STARD3: variants seen among roughly 807,000 people sequenced by gnomAD.
STARD3 encodes stAR-related lipid transfer protein 3.
STARD3 carries 39 observed loss-of-function variants against 62.0 expected under a neutral mutation model. That is an observed-to-expected ratio of 0.63 (90% confidence interval 0.49 to 0.82). The LOEUF (loss-of-function observed/expected upper bound fraction) is 0.82, where lower values mean the gene tolerates loss of function less well. Among genes scored for constraint, STARD3 ranks in the 40% least tolerant of loss-of-function variants. The pLI, the probability that STARD3 is intolerant of heterozygous loss-of-function variation, is 0.00. For missense variants in STARD3, 543 were observed against 584.5 expected, an observed-to-expected ratio of 0.93 and a Z score of 0.73; for synonymous variants, 229 against 242.4, an observed-to-expected ratio of 0.94 and a Z score of 0.51.
rs1380914973 is a variant in STARD3, at chr17:39,658,455, C to T, written c.480C>T (p.Val160=). 1.2e-6 allele frequency: 2 copies of T among 1,614,148 alleles called. No individual in the cohort carries two copies. The highest frequency in any genetic ancestry group is 1.1e-5 in the South Asian group (1 of 91,084). Residue 160 remains valine (V), a synonymous_variant, in exon 6 of 15, where the codon GTC becomes GTT. Coordinates refer to ENST00000336308, the MANE Select transcript of STARD3 (RefSeq NM_006804.4). ...ACCTGCTCCCCATCGTCTCTTTTGT[C>T]CTCGCCTGGTTGGAGACCTGGTTCC... ...FGYLLPIVSF[V]LAWLETWFLD...
rs111467789 is a variant in STARD3, at chr17:39,657,970, C to T, written c.376-3C>T. On this transcript the variant is annotated splice_polypyrimidine_tract_variant and splice_region_variant and intron_variant, in intron 4 of 14. Coordinates refer to ENST00000336308, the MANE Select transcript of STARD3 (RefSeq NM_006804.4). ...CCCCTTCCTCCCTCCCTCCCCTGGGCAGGTCACGACGCTGGTGTCCAGTGC... is the reference window on the plus strand; with the variant it reads ...CCCCTTCCTCCCTCCCTCCCCTGGGTAGGTCACGACGCTGGTGTCCAGTGC... 8 of 1,589,652 alleles carry T rather than the reference C, an allele frequency of 5.0e-6. No homozygotes were observed. The African/African-American group carries it at 6.7e-5, about 13-fold the overall frequency.
At chr17:39,650,964 A>G (rs2057072624) in intron 1 of STARD3, among the ~76,000 whole-genome samples, 1 of 152,332 alleles carries the variant, frequency 6.6e-6, no homozygotes, top group Non-Finnish European at 1.5e-5. Flanking sequence ...CCTGCCCTGG[A>G]GCTGCGGCCT....
chr17:39,654,647 G>A (rs2057110296), intron 2 of STARD3, among the ~76,000 whole-genome samples: 1 of 152,156 alleles, frequency 6.6e-6, no homozygotes, highest in Non-Finnish European at 1.5e-5. Context: ...CCCAGGCTCA[G>A]TTCTGTCCCA....
rs760759290 is a variant in STARD3 at position 39,662,347 on chromosome 17, G to C, written c.1233+3G>C. 31 of 1,613,096 alleles carry C rather than the reference G, an allele frequency of 1.9e-5. No individual in the cohort carries two copies. Among genetic ancestry groups the C allele is most frequent in the African/African-American group, 4.0e-5 (3 of 74,916 alleles). ...GGATTCTTAATACAGATCTCAAGGTGGGGTGCTGGGGGGCTGCCAGGTGGG... is the reference window on the plus strand; with the variant it reads ...GGATTCTTAATACAGATCTCAAGGTCGGGTGCTGGGGGGCTGCCAGGTGGG... On this transcript the variant is annotated splice_donor_region_variant and intron_variant, in intron 14 of 14. Coordinates refer to ENST00000336308, the MANE Select transcript of STARD3 (RefSeq NM_006804.4).
At chr17:39,661,723 A>G (rs1423709921) in intron 13 of STARD3, among the ~76,000 whole-genome samples, 1 of 152,188 alleles carries the variant, frequency 6.6e-6, no homozygotes, top group Non-Finnish European at 1.5e-5. Flanking sequence ...GGCACTGGAC[A>G]GACTTGCTGG....
At chr17:39,649,942 G>C (rs776659220) in intron 1 of STARD3, among the ~76,000 whole-genome samples, 12 of 150,280 alleles carry the variant, frequency 8.0e-5, no homozygotes, top group Non-Finnish European at 1.8e-4. Flanking sequence ...GGATAAAGCA[G>C]ACACTAAAGC....
At chr17:39,661,682 T>C (rs1004659335) in intron 13 of STARD3, among the ~76,000 whole-genome samples, 2 of 152,132 alleles carry the variant, frequency 1.3e-5, no homozygotes, top group Non-Finnish European at 2.9e-5. Flanking sequence ...AGGAGCACTG[T>C]TCTTTGAATA....
intron 1 of STARD3, among the ~76,000 whole-genome samples, chr17:39,640,819 G>C (rs1449845574): frequency 6.6e-6 from 1 of 152,186 alleles, no homozygotes. Flanking sequence ...CTCCCCGGCT[G>C]GGGGGAGAAG....
intron 8 of STARD3, 45 bp from the exon 9 acceptor site, chr17:39,659,416 T>G: frequency 6.3e-7 from 1 of 1,575,876 alleles, no homozygotes; most frequent in Non-Finnish European, 8.7e-7. Context: ...CATGGTGGAC[T>G]GCAGGCCCCA....
chr17:39,639,481 T>C (rs1435793604), intron 1 of STARD3, among the ~76,000 whole-genome samples: 1 of 152,102 alleles, frequency 6.6e-6, no homozygotes. Context: ...TATAAAGCGA[T>C]GGGAGGATTT....
At chr17:39,657,214 C>A in intron 3 of STARD3, 129 bp downstream of exon 3, 1 of 891,722 alleles carries the variant, frequency 1.1e-6, no homozygotes, top group Non-Finnish European at 1.7e-6. Context: ...CCTTCGGGAG[C>A]CATCAGTCAT....
At chr17:39,661,274 G>T (rs1301892844) in intron 13 of STARD3, 189 bp downstream of exon 13, 1 of 615,908 alleles carries the variant, frequency 1.6e-6, no homozygotes, top group South Asian at 1.9e-5. Context: ...GTGGAGATGG[G>T]GGGTGGTGGA....
In STARD3 at chr17:39,660,819, C is replaced by T; in HGVS notation, c.964C>T (p.Arg322Ter). 1.3e-6 allele frequency: 2 copies of T among 1,584,854 alleles called. No homozygotes were observed. The highest frequency in any genetic ancestry group is 1.2e-5 in the South Asian group (1 of 86,192). The change falls in exon 12 of 15, where the codon CGA becomes TGA. Residue 322 changes from arginine to a stop codon, truncating the protein, a stop_gained. Coordinates refer to ENST00000336308, the MANE Select transcript of STARD3 (RefSeq NM_006804.4). LOFTEE classifies it high-confidence loss of function. The surrounding 1 kb of genome is among the most constrained non-coding windows in gnomAD (Gnocchi z 4.8). ...CGTTGACGGCCCTCAGATCCTGCAG[C>T]GAGTGGAAGACAACACCCTCATCTC... ...KTVTACQILQ[R>*]VEDNTLISYD...
chr17:39,658,800 C>T lies in STARD3; in HGVS notation c.626C>T (p.Ser209Leu). ...GCTCTGTCCGAGGGACAGTTCTATT[C>T]ACCCCCAGAATCCTTTGCAGGTGAG... ...SGALSEGQFY[S>L]PPESFAGSDN... The change falls in exon 7 of 15, where the codon TCA becomes TTA. Residue 209 changes from serine (S) to leucine (L), a missense_variant. Coordinates refer to ENST00000336308, the MANE Select transcript of STARD3 (RefSeq NM_006804.4). The T allele has an allele frequency of 6.2e-7, 1 of 1,613,998 alleles. No homozygotes were observed. The highest frequency in any genetic ancestry group is 8.5e-7 in the Non-Finnish European group (1 of 1,179,992).
intron 1 of STARD3, among the ~76,000 whole-genome samples, chr17:39,643,777 C>T (rs1385103801): frequency 1.3e-5 from 2 of 152,246 alleles, no homozygotes; most frequent in Non-Finnish European, 2.9e-5. Context: ...CTCTCTTTCT[C>T]TGGAGAAGAG....
Position 39,661,083 on chromosome 17 carries a change from C to G in STARD3, c.1137C>G (p.Val379=), listed in dbSNP as rs1415426199. The G allele has an allele frequency of 6.2e-7, 1 of 1,613,422 alleles. No homozygotes were observed. Among genetic ancestry groups the G allele is most frequent in the Non-Finnish European group, 8.5e-7 (1 of 1,179,986 alleles). The change falls in exon 13 of 15, where the codon GTC becomes GTG. Residue 379 remains valine, a splice_region_variant and synonymous_variant. Transcript: ENST00000336308. The part of the protein sequence containing the change: ...HSAKPPTHKY[V]RGENGPGGFI... ...CCAAGCCCCCGACGCACAAATATGT[C>G]CGGTGAGCCTCACTTTGCCTGGGGT... is the stretch of plus-strand genomic sequence containing the variant.
chr17:39,641,708 A>G (rs1006992761), intron 1 of STARD3, among the ~76,000 whole-genome samples: 1 of 152,180 alleles, frequency 6.6e-6, no homozygotes, highest in Non-Finnish European at 1.5e-5. Context: ...TCCCCATTTT[A>G]CAGAAAAGGA....
chr17:39,639,728 T>C (rs1018957750), intron 1 of STARD3, among the ~76,000 whole-genome samples: 4 of 152,242 alleles, frequency 2.6e-5, no homozygotes, highest in African/African-American at 9.6e-5. Context: ...TCCGGAGGCC[T>C]AGTACCTGGT....
In STARD3 at chr17:39,658,720, A is replaced by G; in HGVS notation, c.548-2A>G. The G allele has an allele frequency of 6.2e-7, 1 of 1,613,858 alleles. No individual in the cohort carries two copies. The highest frequency in any genetic ancestry group is 8.5e-7 in the Non-Finnish European group (1 of 1,179,958). On this transcript the variant is annotated splice_acceptor_variant, in intron 6 of 14. Coordinates refer to ENST00000336308, the MANE Select transcript of STARD3 (RefSeq NM_006804.4). LOFTEE classifies it high-confidence loss of function. The stretch of plus-strand genomic sequence containing the variant: ...GGTCCGGGACCGAGTCTGCTCCTCC[A>G]GGGTATCTTGCCGCCCAGGTTGCTG...
Sources: allele counts gnomAD v4.1 joint callset (sites outside exome capture counted in the v4.1 genomes callset), GRCh38; gene constraint gnomAD v4.1.1; non-coding constraint Gnocchi (gnomAD v3.1); transcripts MANE v1.5; gene names NCBI Gene and HGNC (gene_info 2026-07-23, HGNC 2026-07-21).